TP63: variants seen among roughly 807,000 people sequenced by gnomAD.
The protein encoded by TP63 is tumor protein p63, also known as tumor protein 63.
A neutral mutation model predicts 82.8 loss-of-function variants in TP63; 17 were observed. The observed-to-expected ratio is 0.21, with a 90% CI of 0.14 to 0.31. The LOEUF is 0.31. Among genes scored for constraint, TP63 ranks in the 10% least tolerant of loss-of-function variants. The pLI is 1.00. For synonymous variants in TP63, 330 were observed against 321.7 expected (o/e 1.03, Z -0.28); for missense variants, 648 against 895.3 (o/e 0.72, Z 3.52).
At chr3:189,883,411 A>G (rs1450899694) in intron 10 of TP63, among the ~76,000 whole-genome samples, 1 of 152,170 alleles carries the variant, frequency 6.6e-6, no homozygotes, top group Non-Finnish European at 1.5e-5. Context: ...TGTTAACCCC[A>G]TTCAACTGTT....
At chr3:189,620,524 A>AAT in the TP63 span, among the ~76,000 whole-genome samples, 1 of 151,822 alleles carries the variant, frequency 6.6e-6, no homozygotes. Flanking sequence ...AAACAAAAAA[A>AAT]AAAAACCTCT....
intron 10 of TP63, 183 bp downstream of exon 10, chr3:189,873,178 C>A (rs1047377860): frequency 2.5e-6 from 2 of 794,570 alleles, no homozygotes; most frequent in Admixed American, 4.5e-5. Flanking sequence ...TTATTATAAC[C>A]TTCCCTTCAG....
chr3:189,625,933 C>T, the TP63 span, among the ~76,000 whole-genome samples: 3 of 152,252 alleles, frequency 2.0e-5, no homozygotes, highest in South Asian at 4.2e-4. Flanking sequence ...CCCAATTGGC[C>T]TCTGTTCCCT....
intron 3 of TP63, among the ~76,000 whole-genome samples, chr3:189,790,334 G>A (rs1725006316): frequency 6.6e-6 from 1 of 152,076 alleles, no homozygotes; most frequent in Non-Finnish European, 1.5e-5. Context: ...TTTTAAGTCT[G>A]TCAATCCAGA....
chr3:189,747,436 T>C (rs1269851591), intron 3 of TP63, among the ~76,000 whole-genome samples: 2 of 151,970 alleles, frequency 1.3e-5, no homozygotes, highest in African/African-American at 4.8e-5. Flanking sequence ...AGAAAAACAA[T>C]AGCAAGAGGA....
chr3:189,733,562 A>G (rs1720328060), intron 1 of TP63, among the ~76,000 whole-genome samples: 1 of 152,172 alleles, frequency 6.6e-6, no homozygotes, highest in South Asian at 2.1e-4. Flanking sequence ...GGGTCCGTGT[A>G]TATGACCACT....
intron 4 of TP63, among the ~76,000 whole-genome samples, chr3:189,855,624 A>G (rs74566004): frequency 0.015 from 2,229 of 152,246 alleles, 25 homozygotes; most frequent in South Asian, 0.028. Flanking sequence ...TTTTAAAATT[A>G]GAACATGCTC....
chr3:189,633,826 G>A (rs148091068), intron 1 of TP63, among the ~76,000 whole-genome samples: 54 of 152,228 alleles, frequency 3.5e-4, no homozygotes, highest in African/African-American at 1.3e-3. Flanking sequence ...CTCAGCATCT[G>A]CTCTGCGGAA....
chr3:189,799,067 C>T (rs1414141606), intron 3 of TP63, among the ~76,000 whole-genome samples: 1 of 152,054 alleles, frequency 6.6e-6, no homozygotes, highest in Non-Finnish European at 1.5e-5. Flanking sequence ...TATAGTCTAA[C>T]AAGATTGAGT....
chr3:189,867,286 T>C (rs1446596021), intron 6 of TP63, among the ~76,000 whole-genome samples: 3 of 152,202 alleles, frequency 2.0e-5, no homozygotes, highest in African/African-American at 7.2e-5. Context: ...TTTGGTTTGC[T>C]GGCTTGCTGT....
chr3:189,758,351 C>T (rs2108533731), intron 3 of TP63, among the ~76,000 whole-genome samples: 1 of 152,324 alleles, frequency 6.6e-6, no homozygotes, highest in African/African-American at 2.4e-5. Flanking sequence ...TGGTACCAGT[C>T]CATGGAATGG....
intron 1 of TP63, among the ~76,000 whole-genome samples, chr3:189,697,239 T>A (rs1250533721): frequency 2.0e-5 from 3 of 151,260 alleles, no homozygotes; most frequent in South Asian, 4.2e-4. Flanking sequence ...TTCAGTTTTT[T>A]TTTTTTTTTT....
chr3:189,597,070 G>A, the TP63 span, among the ~76,000 whole-genome samples: 2 of 152,132 alleles, frequency 1.3e-5, no homozygotes, highest in Non-Finnish European at 2.9e-5. Context: ...AACTCCAGAC[G>A]CGCCACCTTA....
At chr3:189,704,705 G>GACAGAATAGGTTACCTGCATTCTTTTA (rs1560122542) in intron 1 of TP63, among the ~76,000 whole-genome samples, 6 of 152,170 alleles carry the variant, frequency 3.9e-5, no homozygotes, top group African/African-American at 1.4e-4. Flanking sequence ...AATATTCCTC[G>GACAGAATAGGTTACCTGCATTCTTTTA]ACAGAATAGG....
intron 3 of TP63, among the ~76,000 whole-genome samples, chr3:189,805,431 A>G (rs1726778212): frequency 6.6e-6 from 1 of 152,232 alleles, no homozygotes; most frequent in African/African-American, 2.4e-5. Flanking sequence ...GCATAACAGG[A>G]GATTTATAAA....
chr3:189,622,845 C>G, the TP63 span, among the ~76,000 whole-genome samples: 1 of 152,166 alleles, frequency 6.6e-6, no homozygotes, highest in Admixed American at 6.6e-5. Flanking sequence ...TTCTAGCCAT[C>G]TACTTCGCAT....
intron 1 of TP63, among the ~76,000 whole-genome samples, chr3:189,694,325 T>G (rs1033367143): frequency 3.3e-5 from 5 of 152,198 alleles, no homozygotes; most frequent in Non-Finnish European, 5.9e-5. Flanking sequence ...TAGTGATACA[T>G]TATTTTTAAC....
intron 1 of TP63, among the ~76,000 whole-genome samples, chr3:189,707,195 A>T (rs77520341): frequency 0.02 from 3,051 of 152,314 alleles, 112 homozygotes; most frequent in African/African-American, 0.069. Context: ...ACTTCAGCAA[A>T]TTAAACATTT....
chr3:189,775,571 T>C (rs983540131), intron 3 of TP63, among the ~76,000 whole-genome samples: 3 of 152,228 alleles, frequency 2.0e-5, no homozygotes, highest in Non-Finnish European at 4.4e-5. Context: ...AAGTACCTTC[T>C]AATATACTTG....
Sources: allele counts gnomAD v4.1 joint callset (sites outside exome capture counted in the v4.1 genomes callset), GRCh38; gene constraint gnomAD v4.1.1; transcripts MANE v1.5; gene names NCBI Gene and HGNC (gene_info 2026-07-23, HGNC 2026-07-21).